Variants in ASRGL1 observed in about 807,000 individuals in gnomAD.
ASRGL1 encodes the protein isoaspartyl peptidase/L-asparaginase.
In ASRGL1, 16 loss-of-function variants were observed where a neutral mutation model predicts 22.4. The observed-to-expected ratio is 0.71, with a 90% confidence interval of 0.48 to 1.08. The LOEUF is 1.08. ASRGL1 is among the 50% of genes least tolerant of loss of function. The pLI, the probability that ASRGL1 is intolerant of heterozygous loss-of-function variation, is 0.00. For missense variants in ASRGL1, 412 were observed against 410.1 expected (o/e 1.00, Z -0.04); for synonymous variants, 165 against 159.3 (o/e 1.04, Z -0.27).
At chr11:62,380,830 T>C (rs995848171) in intron 4 of ASRGL1, among the ~76,000 whole-genome samples, 1 of 152,166 alleles carries the variant, frequency 6.6e-6, no homozygotes, top group African/African-American at 2.4e-5. Context: ...TTGGGCCCCT[T>C]CTCCAGGTGG....
At chr11:62,368,630 C>A (rs561879694) in intron 4 of ASRGL1, among the ~76,000 whole-genome samples, 1 of 152,182 alleles carries the variant, frequency 6.6e-6, no homozygotes, top group South Asian at 2.1e-4. Context: ...ACGGAGGACC[C>A]ACTCTGGCAC....
intron 4 of ASRGL1, among the ~76,000 whole-genome samples, chr11:62,376,287 T>A (rs1470254649): frequency 1.3e-5 from 2 of 152,024 alleles, no homozygotes; most frequent in Non-Finnish European, 2.9e-5. Flanking sequence ...ATCACCATTC[T>A]GTTCATCATA....
chr11:62,363,653 T>A (rs2134634421), intron 4 of ASRGL1, among the ~76,000 whole-genome samples: 1 of 152,340 alleles, frequency 6.6e-6, no homozygotes, highest in South Asian at 2.1e-4. Context: ...TAAATCCATA[T>A]AGTATTTGAG....
chr11:62,399,360 G>A, the ASRGL1 span, among the ~76,000 whole-genome samples: 12,061 of 152,254 alleles, frequency 0.079, 600 homozygotes, highest in Non-Finnish European at 0.12. Flanking sequence ...ACTTGGACTC[G>A]TGTAGAGAAC....
intron 6 of ASRGL1, chr11:62,391,851 C>A: frequency 1.4e-6 from 1 of 731,516 alleles, no homozygotes; most frequent in Non-Finnish European, 2.2e-6. Context: ...GAGAAGGGGG[C>A]AGTAGAGAGA....
At position 62,372,603 on chromosome 11, in the gene ASRGL1, C is replaced by T. The variant is rs199612463; in HGVS notation, c.491+15459C>T. 7.0e-5 allele frequency: 61 copies of T among 871,122 alleles called. No homozygotes were observed. The East Asian group carries it at 1.1e-3, about 15-fold the overall frequency. 54.0% of individuals were successfully genotyped at this position (871,122 alleles called of 1,614,324 possible). A position where few individuals can be genotyped will look rare whatever the true frequency, so the allele number is the denominator to read the frequency against. On this transcript the variant is annotated intron_variant, in intron 4 of 6. Coordinates refer to ENST00000415229, the MANE Select transcript of ASRGL1 (RefSeq NM_001083926.2). ...TCTGCCTGTACCAAATATGGTTATG[C>T]GAGACGTGGCCTGTGGCGCTAACCA...
chr11:62,382,148 C>G (rs1351799656), intron 4 of ASRGL1: 1 of 152,120 alleles, frequency 6.6e-6, no homozygotes, highest in Non-Finnish European at 1.5e-5. Flanking sequence ...ATTAGCCGGG[C>G]CCAGTGGCGG....
At chr11:62,365,557 A>C (rs1346407906) in intron 4 of ASRGL1, among the ~76,000 whole-genome samples, 2 of 150,878 alleles carry the variant, frequency 1.3e-5, no homozygotes, top group African/African-American at 4.9e-5. Context: ...CCGTCTCAAA[A>C]ACAAAAAAAA....
chr11:62,362,502 A>AAT (rs375058016), intron 4 of ASRGL1, among the ~76,000 whole-genome samples: 1,241 of 59,882 alleles, frequency 0.021, 18 homozygotes, highest in South Asian at 0.027. Context: ...TATTATATAA[A>AAT]ATATATAACA....
At position 62,337,977 on chromosome 11, in the gene ASRGL1, C is replaced by G; in HGVS notation, c.-1C>G. Reference sequence around the variant, plus strand: ...CTTCCTGCTGCCTAGGATCCGCCGACATGAATCCCATCGTAGTGGTCCACG... The same window carrying G: ...CTTCCTGCTGCCTAGGATCCGCCGAGATGAATCCCATCGTAGTGGTCCACG... On this transcript the variant is annotated 5_prime_UTR_variant, in exon 2 of 7. Coordinates refer to ENST00000415229, the MANE Select transcript of ASRGL1 (RefSeq NM_001083926.2). 6.3e-7 allele frequency: 1 copy of G among 1,594,698 alleles called. No homozygotes were observed. Among genetic ancestry groups the G allele is most frequent in the Non-Finnish European group, 8.5e-7 (1 of 1,170,810 alleles).
intron 4 of ASRGL1, among the ~76,000 whole-genome samples, chr11:62,358,429 G>C (rs1425650524): frequency 6.6e-6 from 1 of 150,816 alleles, no homozygotes; most frequent in Non-Finnish European, 1.5e-5. Context: ...CAGCCTGACT[G>C]AGTGTGCTTT....
At chr11:62,345,677 A>G (rs188736928) in intron 2 of ASRGL1, among the ~76,000 whole-genome samples, 2 of 152,252 alleles carry the variant, frequency 1.3e-5, no homozygotes, top group African/African-American at 4.8e-5. Context: ...AGGCTTGATA[A>G]TTTACTATGA....
At chr11:62,370,180 C>T (rs1239374653) in intron 4 of ASRGL1, among the ~76,000 whole-genome samples, 2 of 152,208 alleles carry the variant, frequency 1.3e-5, no homozygotes, top group East Asian at 1.9e-4. Flanking sequence ...CTCCCACAGT[C>T]GGTCCATGGA....
intron 4 of ASRGL1, among the ~76,000 whole-genome samples, chr11:62,357,725 G>C (rs55976725): frequency 6.6e-6 from 1 of 152,010 alleles, no homozygotes; most frequent in Admixed American, 6.6e-5. Context: ...ACAACTCTTA[G>C]AAATTCAAAT....
At chr11:62,347,728 G>A (rs1451821957) in intron 2 of ASRGL1, among the ~76,000 whole-genome samples, 1 of 151,990 alleles carries the variant, frequency 6.6e-6, no homozygotes, top group East Asian at 1.9e-4. Flanking sequence ...GGTCACATGA[G>A]GTCAGGAGTT....
chr11:62,353,208 T>C (rs1384068747), intron 2 of ASRGL1, among the ~76,000 whole-genome samples: 1 of 152,142 alleles, frequency 6.6e-6, no homozygotes, highest in Non-Finnish European at 1.5e-5. Context: ...AGCCCATCCA[T>C]TGAGATTTCT....
chr11:62,377,742 G>T (rs2134673937), intron 4 of ASRGL1, among the ~76,000 whole-genome samples: 1 of 152,150 alleles, frequency 6.6e-6, no homozygotes, highest in Middle Eastern at 3.4e-3. Flanking sequence ...CAACTATTTT[G>T]TCTGGGTCAT....
chr11:62,362,561 T>TATAAAATATATGTTATATA (rs1491558196), intron 4 of ASRGL1, among the ~76,000 whole-genome samples: 2 of 25,510 alleles, frequency 7.8e-5, no homozygotes, highest in Non-Finnish European at 1.1e-4. Context: ...ACATATATTA[T>TATAAAATATATGTTATATA]TTATATAATA....
At chr11:62,381,455 CTA>C (rs1439742214) in intron 4 of ASRGL1, among the ~76,000 whole-genome samples, 2 of 152,182 alleles carry the variant, frequency 1.3e-5, no homozygotes, top group Non-Finnish European at 2.9e-5. Flanking sequence ...TCTTCACAAT[CTA>C]TTACACAGCT....
Sources: allele counts gnomAD v4.1 joint callset (sites outside exome capture counted in the v4.1 genomes callset), GRCh38; gene constraint gnomAD v4.1.1; transcripts MANE v1.5; gene names NCBI Gene and HGNC (gene_info 2026-07-23, HGNC 2026-07-21).